The following RANBP2 variants were observed in gnomAD, a reference collection of about 807,000 sequenced individuals.
RANBP2 encodes the protein RAN binding protein 2.
In RANBP2, 57 loss-of-function variants were observed where a neutral mutation model predicts 303.6. The observed-to-expected ratio is 0.19, with a 90% CI of 0.15 to 0.23. The LOEUF is 0.23. Among genes scored for constraint, RANBP2 ranks in the 10% least tolerant of loss-of-function variants. RANBP2 has a pLI of 1.00. For missense variants in RANBP2, 3,138 were observed against 3,780.8 expected (o/e 0.83, Z 4.46); for synonymous variants, 1,167 against 1,301.5 (o/e 0.90, Z 2.23).
At chr2:109,120,611 G>A in the RANBP2 span, among the ~76,000 whole-genome samples, 1 of 147,742 alleles carries the variant, frequency 6.8e-6, no homozygotes, top group Admixed American at 6.9e-5. Context: ...TCCATGTGGT[G>A]AGCCGAGATC....
At chr2:109,416,929 TG>T in the RANBP2 span, among the ~76,000 whole-genome samples, 5 of 146,114 alleles carry the variant, frequency 3.4e-5, no homozygotes, top group African/African-American at 1.3e-4. Flanking sequence ...AAAAAAGAAT[TG>T]TATGTCCAGT....
At chr2:109,663,583 T>C in the RANBP2 span, among the ~76,000 whole-genome samples, 1 of 152,196 alleles carries the variant, frequency 6.6e-6, no homozygotes, top group Non-Finnish European at 1.5e-5. Flanking sequence ...CATTTTAAAT[T>C]CCCTTACTGA....
At chr2:109,296,296 C>T in the RANBP2 span, among the ~76,000 whole-genome samples, 2 of 151,980 alleles carry the variant, frequency 1.3e-5, no homozygotes, top group African/African-American at 2.4e-5. Flanking sequence ...GGTGCTATCT[C>T]GGCTCACTGC....
At chr2:108,889,065 T>C in the RANBP2 span, among the ~76,000 whole-genome samples, 1 of 152,134 alleles carries the variant, frequency 6.6e-6, no homozygotes, top group Non-Finnish European at 1.5e-5. Flanking sequence ...CCAGTGGTTA[T>C]TCAGAAGCAT....
At chr2:109,249,575 C>CTTTT in the RANBP2 span, among the ~76,000 whole-genome samples, 3 of 117,536 alleles carry the variant, frequency 2.6e-5, no homozygotes, top group African/African-American at 1.1e-4. Context: ...TTCCTTCCTT[C>CTTTT]CTTCCTTCCT....
chr2:108,923,367 C>A, the RANBP2 span: 1 of 1,614,036 alleles, frequency 6.2e-7, no homozygotes, highest in South Asian at 1.1e-5. Flanking sequence ...AAGACACTCA[C>A]ATTCCTTGGT....
the RANBP2 span, among the ~76,000 whole-genome samples, chr2:109,066,565 G>C: frequency 6.6e-6 from 1 of 152,168 alleles, no homozygotes; most frequent in South Asian, 2.1e-4. Context: ...CCTACTGAAA[G>C]AAACGCAGTT....
Position 108,751,245 on chromosome 2 carries a change from T to G in RANBP2, c.1274-19T>G. The G allele has an allele frequency of 1.2e-6, 2 of 1,611,980 alleles. No individual in the cohort carries two copies. Among genetic ancestry groups the G allele is most frequent in the Non-Finnish European group, 1.7e-6 (2 of 1,179,848 alleles). ...GAAAAATTTCAAACCCTTAAGCCAA[T>G]TTTTTAATTTTATTTCAGGTGCTAT... On this transcript the variant is annotated intron_variant, in intron 9 of 28. Coordinates refer to ENST00000283195, the MANE Select transcript of RANBP2 (RefSeq NM_006267.5).
the RANBP2 span, chr2:109,614,434 C>A: frequency 2.1e-5 from 24 of 1,155,786 alleles, no homozygotes; most frequent in Non-Finnish European, 2.6e-5. Flanking sequence ...GCTGGGAGCC[C>A]GTCGCTATGG....
the RANBP2 span, among the ~76,000 whole-genome samples, chr2:109,342,431 G>T: frequency 6.6e-6 from 1 of 152,230 alleles, no homozygotes; most frequent in Non-Finnish European, 1.5e-5. Flanking sequence ...GAGCAAAACA[G>T]GCGAGAATCT....
the RANBP2 span, among the ~76,000 whole-genome samples, chr2:109,225,469 C>G: frequency 6.6e-6 from 1 of 152,198 alleles, no homozygotes; most frequent in African/African-American, 2.4e-5. Flanking sequence ...CAGGCCAGGC[C>G]GACTCCCCAC....
chr2:108,724,915 G>A (rs1694574032), intron 1 of RANBP2, among the ~76,000 whole-genome samples: 1 of 151,948 alleles, frequency 6.6e-6, no homozygotes, highest in Admixed American at 6.6e-5. Flanking sequence ...TTAGGGGGAG[G>A]GAGATTCATT....
chr2:109,374,954 C>T, the RANBP2 span, among the ~76,000 whole-genome samples: 4 of 152,244 alleles, frequency 2.6e-5, no homozygotes, highest in Non-Finnish European at 5.9e-5. Context: ...GTGTCTCCAC[C>T]AGGGCCTGCC....
the RANBP2 span, among the ~76,000 whole-genome samples, chr2:109,326,911 C>T: frequency 6.6e-6 from 1 of 152,238 alleles, no homozygotes; most frequent in Non-Finnish European, 1.5e-5. Flanking sequence ...CCTGAGCACG[C>T]TGGCTCTACC....
At chr2:109,126,424 C>A in the RANBP2 span, among the ~76,000 whole-genome samples, 1 of 152,214 alleles carries the variant, frequency 6.6e-6, no homozygotes, top group African/African-American at 2.4e-5. Context: ...CACGGCAATT[C>A]TTCTGGAAAT....
chr2:109,335,179 C>G, the RANBP2 span, among the ~76,000 whole-genome samples: 3 of 152,252 alleles, frequency 2.0e-5, no homozygotes, highest in African/African-American at 7.2e-5. Flanking sequence ...CTGTTCCTTG[C>G]GCCTGATCTA....
At chr2:108,991,823 G>A in the RANBP2 span, among the ~76,000 whole-genome samples, 1 of 151,998 alleles carries the variant, frequency 6.6e-6, no homozygotes, top group Non-Finnish European at 1.5e-5. Context: ...TATTTTTTTG[G>A]TGAGACAGAG....
At chr2:109,336,231 T>C in the RANBP2 span, among the ~76,000 whole-genome samples, 2 of 152,208 alleles carry the variant, frequency 1.3e-5, no homozygotes, top group Admixed American at 6.5e-5. Flanking sequence ...TCTCCCTCAC[T>C]GGGGAAGAGG....
chr2:109,609,652 G>C, the RANBP2 span, among the ~76,000 whole-genome samples: 1 of 146,904 alleles, frequency 6.8e-6, no homozygotes, highest in Non-Finnish European at 1.5e-5. Context: ...AAAGAATTAA[G>C]AATCACAACT....
Sources: allele counts gnomAD v4.1 joint callset (sites outside exome capture counted in the v4.1 genomes callset), GRCh38; gene constraint gnomAD v4.1.1; transcripts MANE v1.5; gene names NCBI Gene and HGNC (gene_info 2026-07-23, HGNC 2026-07-21).